Variants in NOL4L observed in about 807,000 individuals in gnomAD.
The protein encoded by NOL4L is nucleolar protein 4 like.
Under a neutral mutation model 64.5 loss-of-function variants are expected in NOL4L, and 7 were observed. The ratio of observed to expected loss-of-function variants is 0.11; its 90% CI spans 0.06 to 0.20. NOL4L has a LOEUF of 0.20. NOL4L is among the 10% of genes least tolerant of loss of function. The probability of loss-of-function intolerance (pLI) is 1.00; values close to 1 mark genes in which losing one functional copy is unlikely to be tolerated. For synonymous variants in NOL4L, 413 were observed against 401.0 expected (o/e 1.03, Z -0.36); for missense variants, 680 against 967.1 (o/e 0.70, Z 3.94).
chr20:32,542,321 G>C (rs942683120), intron 1 of NOL4L, among the ~76,000 whole-genome samples: 2 of 152,178 alleles, frequency 1.3e-5, no homozygotes, highest in African/African-American at 2.4e-5. Flanking sequence ...CCAACAGCCA[G>C]ACAGCCTGAG....
chr20:32,545,560 C>T lies in NOL4L; in HGVS notation c.322-17647G>A, dbSNP rs374037831. On this transcript the variant is annotated intron_variant, in intron 1 of 10. Transcript: ENST00000621426. Reference sequence around the variant, plus strand: ...AGCAAGCATTTAGACCCCCTTCCCCCGACCCGCCCACAGCCCTGGCCACCA... The same window carrying T: ...AGCAAGCATTTAGACCCCCTTCCCCTGACCCGCCCACAGCCCTGGCCACCA... Among the ~76,000 whole-genome samples the T allele has an allele frequency of 4.1e-4, 62 of 152,198 alleles. 1 individual carries two copies. Among genetic ancestry groups the T allele is most frequent in the South Asian group, 2.1e-4 (1 of 4,830 alleles).
chr20:32,547,797 A>G (rs1242974672), intron 1 of NOL4L, among the ~76,000 whole-genome samples: 1 of 152,084 alleles, frequency 6.6e-6, no homozygotes, highest in Non-Finnish European at 1.5e-5. Context: ...AGCTCCAGCC[A>G]TGTCTCCTCC....
At chr20:32,528,714 G>A (rs2018234374) in intron 1 of NOL4L, among the ~76,000 whole-genome samples, 3 of 152,244 alleles carry the variant, frequency 2.0e-5, no homozygotes, top group Non-Finnish European at 4.4e-5. Context: ...GAGGCTGGGG[G>A]TGAGGCCAGG....
intron 4 of NOL4L, among the ~76,000 whole-genome samples, chr20:32,481,513 C>G (rs2015710695): frequency 6.6e-6 from 1 of 152,116 alleles, no homozygotes; most frequent in Admixed American, 6.5e-5. Flanking sequence ...GAAAAGTTCC[C>G]CAAAGGCGTC....
chr20:32,485,710 TC>T, intron 4 of NOL4L: 3 of 470,188 alleles, frequency 6.4e-6, no homozygotes, highest in South Asian at 4.7e-5. Flanking sequence ...TGGCCACAGC[TC>T]TTAAGTTCAT....
chr20:32,474,012 G>C (rs1402731148), intron 5 of NOL4L, among the ~76,000 whole-genome samples: 2 of 152,248 alleles, frequency 1.3e-5, no homozygotes, highest in Non-Finnish European at 2.9e-5. Context: ...TCCAACCCCT[G>C]AGAAGGAAGC....
intron 1 of NOL4L, chr20:32,536,139 C>G (rs868648940): frequency 1.0e-6 from 1 of 985,690 alleles, no homozygotes; most frequent in Non-Finnish European, 1.2e-6. Flanking sequence ...GCACAAACAG[C>G]ACCCGCCCTA....
At chr20:32,467,839 A>G (rs1375774897) in intron 5 of NOL4L, among the ~76,000 whole-genome samples, 1 of 152,150 alleles carries the variant, frequency 6.6e-6, no homozygotes, top group Non-Finnish European at 1.5e-5. Flanking sequence ...GACCTCTTGG[A>G]GGCCAGGGAG....
At position 32,452,525 on chromosome 20, in the gene NOL4L, G is replaced by A. The variant is rs1224672646; in HGVS notation, c.1621-88C>T. The A allele has an allele frequency of 4.0e-6, 5 of 1,239,346 alleles. No individual in the cohort carries two copies. In the East Asian group the frequency reaches 1.0e-4, roughly 25 times the overall value. 76.8% of individuals were successfully genotyped at this position (1,239,346 alleles called of 1,614,324 possible). A position where few individuals can be genotyped will look rare whatever the true frequency, so the allele number is the denominator to read the frequency against. Reference sequence around the variant, plus strand: ...TGGACACAAGGTGGATAAATGCTGCGGCCCCAGGACTCCTGGGACCCAATG... The same window carrying A: ...TGGACACAAGGTGGATAAATGCTGCAGCCCCAGGACTCCTGGGACCCAATG... On this transcript the variant is annotated intron_variant, in intron 9 of 10. Coordinates refer to ENST00000621426, the MANE Select transcript of NOL4L (RefSeq NM_001256798.2).
intron 4 of NOL4L, among the ~76,000 whole-genome samples, chr20:32,475,901 A>T (rs1162785905): frequency 6.6e-6 from 1 of 150,686 alleles, no homozygotes; most frequent in Non-Finnish European, 1.5e-5. Flanking sequence ...ATTCGCCTCC[A>T]CTCCCTCCCC....
intron 4 of NOL4L, among the ~76,000 whole-genome samples, chr20:32,489,408 G>T (rs2016363455): frequency 6.6e-6 from 1 of 151,766 alleles, no homozygotes; most frequent in Non-Finnish European, 1.5e-5. Flanking sequence ...AGACTGAAGT[G>T]CAGTGGCATG....
intron 4 of NOL4L, among the ~76,000 whole-genome samples, chr20:32,484,774 C>G (rs1454128168): frequency 6.6e-6 from 1 of 152,084 alleles, no homozygotes; most frequent in African/African-American, 2.4e-5. Context: ...CAGATGCGGT[C>G]CCCCAGGCGG....
At chr20:32,467,183 A>G (rs1223963155) in intron 5 of NOL4L, among the ~76,000 whole-genome samples, 1 of 152,162 alleles carries the variant, frequency 6.6e-6, no homozygotes, top group African/African-American at 2.4e-5. Flanking sequence ...AGAAGCCAGA[A>G]GCACACTTCT....
intron 4 of NOL4L, among the ~76,000 whole-genome samples, chr20:32,506,576 G>A (rs1424130748): frequency 2.0e-5 from 3 of 152,054 alleles, no homozygotes; most frequent in Non-Finnish European, 4.4e-5. Flanking sequence ...CAGGAGCACC[G>A]CTTGAACCCA....
At chr20:32,490,131 A>AC (rs1357194756) in intron 4 of NOL4L, among the ~76,000 whole-genome samples, 1 of 134,504 alleles carries the variant, frequency 7.4e-6, no homozygotes. Context: ...TCCATCTCAA[A>AC]AAAAAAAAAA....
intron 4 of NOL4L, chr20:32,475,425 G>C: frequency 1.3e-6 from 1 of 787,740 alleles, no homozygotes; most frequent in Non-Finnish European, 1.5e-6. Context: ...TCAAGGGCCT[G>C]GGGGGCCGCC....
intron 1 of NOL4L, among the ~76,000 whole-genome samples, chr20:32,531,637 G>A (rs1312423567): frequency 6.6e-6 from 1 of 152,186 alleles, no homozygotes; most frequent in African/African-American, 2.4e-5. Flanking sequence ...ACATGTGTGA[G>A]CCACTGTGCC....
chr20:32,485,057 C>A (rs1425299612), intron 4 of NOL4L, among the ~76,000 whole-genome samples: 3 of 18,452 alleles, frequency 1.6e-4, no homozygotes, highest in Non-Finnish European at 2.4e-4. Flanking sequence ...GGGGAAATTG[C>A]CAAAAAAAAA....
intron 5 of NOL4L, among the ~76,000 whole-genome samples, chr20:32,458,331 TCTGGTTCCACA>T (rs1383031800): frequency 6.6e-6 from 1 of 152,144 alleles, no homozygotes; most frequent in Non-Finnish European, 1.5e-5. Flanking sequence ...GCCTTCAAGG[TCTGGTTCCACA>T]CTGCCACTTC....
Sources: allele counts gnomAD v4.1 joint callset (sites outside exome capture counted in the v4.1 genomes callset), GRCh38; gene constraint gnomAD v4.1.1; transcripts MANE v1.5; gene names NCBI Gene and HGNC (gene_info 2026-07-23, HGNC 2026-07-21).